Variants in SPMIP2 observed in about 807,000 individuals in gnomAD.
SPMIP2 encodes sperm microtubule inner protein 2.
chr4:158,981,318 A>G, the SPMIP2 span, among the ~76,000 whole-genome samples: 1 of 152,308 alleles, frequency 6.6e-6, no homozygotes, highest in South Asian at 2.1e-4. Flanking sequence ...CCAAACTAGC[A>G]AGACAGGCCA....
the SPMIP2 span, chr4:158,904,806 G>T: frequency 7.0e-6 from 3 of 429,520 alleles, no homozygotes; most frequent in Non-Finnish European, 1.3e-5. Context: ...GACCTTTTTG[G>T]TAGGAGGAAA....
the SPMIP2 span, among the ~76,000 whole-genome samples, chr4:158,934,015 T>C: frequency 6.6e-6 from 1 of 152,240 alleles, no homozygotes; most frequent in African/African-American, 2.4e-5. Context: ...AGTTGGTTTA[T>C]ATGTATTATC....
At chr4:159,032,784 T>TC in the SPMIP2 span, among the ~76,000 whole-genome samples, 227 of 150,718 alleles carry the variant, frequency 1.5e-3, no homozygotes, top group Non-Finnish European at 2.8e-3. Flanking sequence ...GACCTTTCTT[T>TC]TTTTTTTTTT....
the SPMIP2 span, among the ~76,000 whole-genome samples, chr4:159,015,391 G>A: frequency 6.6e-6 from 1 of 152,194 alleles, no homozygotes; most frequent in East Asian, 1.9e-4. Flanking sequence ...TGTAGGAATA[G>A]TTCAGTTTTT....
the SPMIP2 span, among the ~76,000 whole-genome samples, chr4:158,980,055 G>A: frequency 6.6e-6 from 1 of 152,044 alleles, no homozygotes; most frequent in African/African-American, 2.4e-5. Flanking sequence ...TTGAGTAGGT[G>A]GTTTTCCCCT....
the SPMIP2 span, chr4:158,973,313 T>C: frequency 6.3e-7 from 1 of 1,576,084 alleles, no homozygotes; most frequent in Non-Finnish European, 8.7e-7. Flanking sequence ...AGTCTGGACC[T>C]TTAAAAGACA....
At chr4:158,914,510 G>GCATGGAAATCTGCTGT in the SPMIP2 span, among the ~76,000 whole-genome samples, 2 of 152,162 alleles carry the variant, frequency 1.3e-5, no homozygotes, top group African/African-American at 4.8e-5. Context: ...CCTTTTTCTA[G>GCATGGAAATCTGCTGT]CATGGAAATC....
the SPMIP2 span, among the ~76,000 whole-genome samples, chr4:159,019,683 C>T: frequency 6.6e-6 from 1 of 152,170 alleles, no homozygotes; most frequent in Non-Finnish European, 1.5e-5. Flanking sequence ...ATCCCTTCAT[C>T]GTGAATACAC....
At chr4:159,007,623 G>C in the SPMIP2 span, 1 of 950,916 alleles carries the variant, frequency 1.1e-6, no homozygotes, top group Non-Finnish European at 1.6e-6. Flanking sequence ...GTACTTCTCA[G>C]AACGTCGGGA....
the SPMIP2 span, among the ~76,000 whole-genome samples, chr4:159,014,431 C>T: frequency 3.9e-5 from 6 of 152,032 alleles, no homozygotes; most frequent in Non-Finnish European, 8.8e-5. Flanking sequence ...CCAGGCTGGG[C>T]GAAAGGGCAA....
chr4:158,994,560 G>T, the SPMIP2 span, among the ~76,000 whole-genome samples: 1 of 152,158 alleles, frequency 6.6e-6, no homozygotes, highest in Non-Finnish European at 1.5e-5. Context: ...TCAGTGACCA[G>T]ATGGAAACCC....
At chr4:158,910,357 T>G in the SPMIP2 span, among the ~76,000 whole-genome samples, 1 of 152,000 alleles carries the variant, frequency 6.6e-6, no homozygotes, top group Non-Finnish European at 1.5e-5. Context: ...CACTGCAACC[T>G]CTGCCTCCCG....
the SPMIP2 span, among the ~76,000 whole-genome samples, chr4:158,975,990 A>G: frequency 6.6e-6 from 1 of 152,158 alleles, no homozygotes; most frequent in Non-Finnish European, 1.5e-5. Context: ...AGTGGTTTGT[A>G]GTTCTCCTTG....
chr4:159,064,816 C>G, the SPMIP2 span, among the ~76,000 whole-genome samples: 1 of 152,178 alleles, frequency 6.6e-6, no homozygotes. Flanking sequence ...TACTGTCTGT[C>G]TTTCACCTGT....
At chr4:158,925,999 T>C in the SPMIP2 span, among the ~76,000 whole-genome samples, 1 of 152,188 alleles carries the variant, frequency 6.6e-6, no homozygotes, top group African/African-American at 2.4e-5. Flanking sequence ...CCCACCTTCA[T>C]GATCTAGTCA....
chr4:159,010,456 A>T, the SPMIP2 span, among the ~76,000 whole-genome samples: 1 of 152,194 alleles, frequency 6.6e-6, no homozygotes, highest in Non-Finnish European at 1.5e-5. Flanking sequence ...GAATTCTGGT[A>T]AAGAATCCCC....
At chr4:158,910,206 C>T in the SPMIP2 span, among the ~76,000 whole-genome samples, 3 of 151,492 alleles carry the variant, frequency 2.0e-5, no homozygotes, top group African/African-American at 7.3e-5. Context: ...TATGTGTCAT[C>T]TTGGCTAGGC....
At chr4:158,956,163 C>A in the SPMIP2 span, among the ~76,000 whole-genome samples, 70 of 152,360 alleles carry the variant, frequency 4.6e-4, no homozygotes, top group South Asian at 0.014. Flanking sequence ...ATTTATCTTG[C>A]CCTCAATGTG....
At chr4:159,041,339 C>A in the SPMIP2 span, among the ~76,000 whole-genome samples, 347 of 152,316 alleles carry the variant, frequency 2.3e-3, 2 homozygotes, top group African/African-American at 7.7e-3. Context: ...ATTATAATTT[C>A]TATCCTGTAA....
Sources: allele counts gnomAD v4.1 joint callset (sites outside exome capture counted in the v4.1 genomes callset), GRCh38; gene constraint gnomAD v4.1.1; transcripts MANE v1.5; gene names NCBI Gene and HGNC (gene_info 2026-07-23, HGNC 2026-07-21).